USP22: variants seen among roughly 807,000 people sequenced by gnomAD.
USP22 encodes the protein ubiquitin specific peptidase 22.
A neutral mutation model predicts 68.1 loss-of-function variants in USP22; 22 were observed. The observed-to-expected ratio is 0.32, with a 90% CI of 0.23 to 0.46. The LOEUF (loss-of-function observed/expected upper bound fraction) is 0.46. Ranked by LOEUF, USP22 falls within the 20% of genes least tolerant of loss-of-function variation. The pLI is 1.00. For missense variants in USP22, 433 were observed against 695.8 expected (o/e 0.62, Z 4.25); for synonymous variants, 279 against 274.2 (o/e 1.02, Z -0.17).
chr17:21,003,176 G>A (rs1567788727), intron 12 of USP22, 103 bp from the exon 13 acceptor site: 2 of 1,397,228 alleles, frequency 1.4e-6, no homozygotes, highest in East Asian at 2.3e-5. Context: ...GCTCTGCACA[G>A]GTCGGCCAGG....
At chr17:21,013,158 A>C (rs1914020990) in intron 6 of USP22, among the ~76,000 whole-genome samples, 1 of 152,218 alleles carries the variant, frequency 6.6e-6, no homozygotes, top group African/African-American at 2.4e-5. Flanking sequence ...ATTCCCTAAC[A>C]AGAGCCCCAC....
chr17:21,012,762 G>T, intron 7 of USP22, 68 bp downstream of exon 7: 1 of 1,403,892 alleles, frequency 7.1e-7, no homozygotes, highest in East Asian at 2.3e-5. Flanking sequence ...CACAGCTCTG[G>T]AGACTGGGAG....
chr17:21,001,041 T>TTAAA lies in USP22; in HGVS notation c.*1989_*1990insTTTA, dbSNP rs759092791. On this transcript the variant is annotated 3_prime_UTR_variant, in exon 13 of 13. Coordinates refer to ENST00000261497, the MANE Select transcript of USP22 (RefSeq NM_015276.2). ...TCCAGCCTGGGCAACAAACTCCATCTCAAAAAAAAAAAAAAAAAGACTGCA... is the reference window on the plus strand; with the variant it reads ...TCCAGCCTGGGCAACAAACTCCATCTTAAACAAAAAAAAAAAAAAAAAGACTGCA... The TTAAA allele has an allele frequency of 5.9e-5, 1 of 16,932 alleles. No homozygotes were observed. The highest frequency in any genetic ancestry group is 1.7e-4 in the Non-Finnish European group (1 of 5,908). The allele number at this position is 16,932 out of a possible 1,614,324, so 1.0% of individuals were successfully genotyped here.
chr17:21,035,766 C>T (rs906954717), intron 1 of USP22, among the ~76,000 whole-genome samples: 1 of 152,030 alleles, frequency 6.6e-6, no homozygotes, highest in Non-Finnish European at 1.5e-5. Flanking sequence ...CGCGGTGGCT[C>T]ACGCCTGTAA....
chr17:21,020,163 C>T (rs1345642183), intron 3 of USP22, among the ~76,000 whole-genome samples: 1 of 146,186 alleles, frequency 6.8e-6, no homozygotes, highest in East Asian at 2.1e-4. Flanking sequence ...CAGATGCTCA[C>T]CTGTCAACTG....
intron 7 of USP22, among the ~76,000 whole-genome samples, 155 bp downstream of exon 7, chr17:21,012,675 C>T (rs1205865754): frequency 6.6e-6 from 1 of 151,544 alleles, no homozygotes; most frequent in African/African-American, 2.4e-5. Flanking sequence ...GGAAGCACCC[C>T]CACCCCACAA....
At chr17:21,031,560 A>G (rs1254672904) in intron 1 of USP22, among the ~76,000 whole-genome samples, 1 of 149,686 alleles carries the variant, frequency 6.7e-6, no homozygotes, top group African/African-American at 2.5e-5. Flanking sequence ...TACACAACCT[A>G]GGACTGTGCT....
chr17:20,999,647 G>A lies in USP22; in HGVS notation c.*3384C>T, dbSNP rs150808910. 1.3e-5 allele frequency: 2 copies of A among 152,224 alleles called. No homozygotes were observed. Among genetic ancestry groups the A allele is most frequent in the Non-Finnish European group, 1.5e-5 (1 of 68,048 alleles). The allele number at this position is 152,224 out of a possible 1,614,324, so 9.4% of individuals were successfully genotyped here. A position where few individuals can be genotyped will look rare whatever the true frequency, so the allele number is the denominator to read the frequency against. Reference sequence around the variant, plus strand: ...CATAGGAGAGACTACAAAGCACTGGGGGGGAGGAGGAGTGACACAGCTCCT... The same window carrying A: ...CATAGGAGAGACTACAAAGCACTGGAGGGGAGGAGGAGTGACACAGCTCCT... On this transcript the variant is annotated 3_prime_UTR_variant, in exon 13 of 13. Transcript: ENST00000261497.
At chr17:21,036,960 T>C (rs1229362298) in intron 1 of USP22, among the ~76,000 whole-genome samples, 1 of 152,120 alleles carries the variant, frequency 6.6e-6, no homozygotes, top group Non-Finnish European at 1.5e-5. Flanking sequence ...AGTCTAAGGC[T>C]GGGGCAGAAA....
intron 2 of USP22, 52 bp downstream of exon 2, chr17:21,028,490 A>G: frequency 1.3e-6 from 2 of 1,598,256 alleles, no homozygotes; most frequent in Non-Finnish European, 1.7e-6. Flanking sequence ...AAAATCAAAG[A>G]GTAGCAATTT....
chr17:21,036,520 A>AAG (rs1972359095), intron 1 of USP22, among the ~76,000 whole-genome samples: 1 of 70,756 alleles, frequency 1.4e-5, no homozygotes, highest in South Asian at 6.5e-4. Flanking sequence ...CTGTACTGTA[A>AAG]GGGGGGGGGG....
rs9911276 is a variant in USP22, at chr17:21,019,441, C to A, written c.419-256G>T. ...AGCAGCACCTCCAGTCAAAACTACC[C>A]CAACGCCAATGCCAAAACAGTTGTT... On this transcript the variant is annotated intron_variant, in intron 3 of 12. Transcript: ENST00000261497. Among the ~76,000 whole-genome samples the A allele has an allele frequency of 4.0e-3, 607 of 152,336 alleles. 4 individuals are homozygous for A. The highest frequency in any genetic ancestry group is 0.014 in the African/African-American group (589 of 41,570).
rs1972461739 is a variant in USP22, at chr17:21,042,959, C to A, written c.-124G>T. On this transcript the variant is annotated 5_prime_UTR_variant, in exon 1 of 13. Transcript: ENST00000261497. ...CAAGGCCCGGGCGCCGAGAACAAAG[C>A]GCGGAGGCCGGACAAAGATGGGGCT... The A allele has an allele frequency of 7.6e-6, 4 of 526,628 alleles. No individual in the cohort carries two copies. The highest frequency in any genetic ancestry group is 1.1e-5 in the Non-Finnish European group (4 of 358,894). The allele number at this position is 526,628 out of a possible 1,614,324, so 32.6% of individuals were successfully genotyped here. A position where few individuals can be genotyped will look rare whatever the true frequency, so the allele number is the denominator to read the frequency against.
At chr17:21,024,615 A>T (rs1972197973) in intron 2 of USP22, among the ~76,000 whole-genome samples, 1 of 152,194 alleles carries the variant, frequency 6.6e-6, no homozygotes, top group Non-Finnish European at 1.5e-5. Flanking sequence ...AGTCTTCATG[A>T]CCTCGGATTT....
Position 21,018,498 on chromosome 17 carries a change from G to A in USP22, c.521-387C>T, listed in dbSNP as rs139674529. ...GGGAAGCCAAGGCATGAGGATCACTGGAGCCCAGGAGTTCGAGACCAGCCT... is the reference window on the plus strand; with the variant it reads ...GGGAAGCCAAGGCATGAGGATCACTAGAGCCCAGGAGTTCGAGACCAGCCT... On this transcript the variant is annotated intron_variant, in intron 4 of 12. Coordinates refer to ENST00000261497, the MANE Select transcript of USP22 (RefSeq NM_015276.2). 1.4e-4 allele frequency among the ~76,000 whole-genome samples: 22 copies of A among 152,178 alleles called. No individual in the cohort carries two copies. The East Asian group carries it at 4.3e-3, about 29-fold the overall frequency.
chr17:21,033,274 C>T (rs1442110497), intron 1 of USP22, among the ~76,000 whole-genome samples: 1 of 152,160 alleles, frequency 6.6e-6, no homozygotes, highest in African/African-American at 2.4e-5. Context: ...CAAGTAGATT[C>T]AGTAGACTGC....
Position 21,042,700 on chromosome 17 carries a change from C to A in USP22, c.136G>T (p.Val46Leu). ...CGGGCCTCAGCCGTGCCGCTCCACA[C>A]GAAGCACTGGTAGATGGCCCGCAGG... ...QNLRAIYQCF[V>L]WSGTAEARKR... The change falls in exon 1 of 13, where the codon GTG (valine) becomes TTG (leucine). Residue 46 changes from valine to leucine, a missense_variant. By Grantham distance (32) the Val-to-Leu change is conservative. Around this residue, in one of 4 missense-constraint regions of USP22, gnomAD observed 110 missense variants for 89.9 expected, o/e 1.22. Coordinates refer to ENST00000261497, the MANE Select transcript of USP22 (RefSeq NM_015276.2). 1 of 1,407,704 alleles carries A rather than the reference C, an allele frequency of 7.1e-7. No individual in the cohort carries two copies. Among genetic ancestry groups the A allele is most frequent in the South Asian group, 1.5e-5 (1 of 68,426 alleles). The allele number at this position is 1,407,704 out of a possible 1,614,324, so 87.2% of individuals were successfully genotyped here.
rs750971712 is a variant in USP22, at chr17:21,017,996, C to T, written c.636G>A (p.Glu212=). 1.2e-6 allele frequency: 2 copies of T among 1,614,144 alleles called. No homozygotes were observed. Among genetic ancestry groups the T allele is most frequent in the Admixed American group, 3.3e-5 (2 of 60,024 alleles). ...DFFLSDRHRC[E]MQSPSSCLVC... ...CCAGACAGGAGCTGGGGCTCTGCAT[C>T]TCACAGCGGTGCCTGTCAGACAGGA... is the stretch of plus-strand genomic sequence containing the variant. The change falls in exon 5 of 13, where the codon GAG becomes GAA. Residue 212 remains glutamate (E), a synonymous_variant. Coordinates refer to ENST00000261497, the MANE Select transcript of USP22 (RefSeq NM_015276.2).
intron 11 of USP22, 62 bp downstream of exon 11, chr17:21,004,866 G>A (rs1248665418): frequency 6.3e-7 from 1 of 1,592,470 alleles, no homozygotes; most frequent in East Asian, 2.2e-5. Context: ...AAGGCAGACA[G>A]GAGCCCACCC....
Sources: gnomAD v4.1 joint callset for allele counts (sites outside exome capture counted in the v4.1 genomes callset) on GRCh38, gnomAD v4.1.1 for gene constraint, gnomAD v4.1.1 regional missense constraint, MANE v1.5 for transcripts, NCBI Gene and HGNC (gene_info 2026-07-23, HGNC 2026-07-21) for gene names.